Variants in GRIA2 observed in about 807,000 individuals in gnomAD.
The protein encoded by GRIA2 is glutamate receptor 2.
In GRIA2, 14 loss-of-function variants were observed where a neutral mutation model predicts 97.3. The observed-to-expected ratio is 0.14, with a 90% CI of 0.10 to 0.23. GRIA2 has a LOEUF of 0.23. GRIA2 is among the 10% of genes least tolerant of loss of function. The probability of loss-of-function intolerance (pLI) is 1.00; values close to 1 mark genes in which losing one functional copy is unlikely to be tolerated. For missense variants in GRIA2, 558 were observed against 1,069.8 expected (o/e 0.52, Z 6.67); for synonymous variants, 412 against 387.8 (o/e 1.06, Z -0.73).
chr4:157,277,644 A>T (rs544351578), intron 2 of GRIA2, among the ~76,000 whole-genome samples: 1 of 151,516 alleles, frequency 6.6e-6, no homozygotes, highest in Admixed American at 6.6e-5. Context: ...CTGACAAAAT[A>T]AACTCCTGGA....
chr4:157,326,765 T>C (rs1734820083), intron 6 of GRIA2, among the ~76,000 whole-genome samples: 1 of 152,198 alleles, frequency 6.6e-6, no homozygotes, highest in South Asian at 2.1e-4. Context: ...AATCATACTT[T>C]AGAACTGTGT....
chr4:157,256,262 ATT>A (rs900121579), intron 2 of GRIA2, among the ~76,000 whole-genome samples: 1 of 111,388 alleles, frequency 9.0e-6, no homozygotes, highest in Non-Finnish European at 1.9e-5. Context: ...TAAATTATAT[ATT>A]ACATATATAT....
intron 2 of GRIA2, among the ~76,000 whole-genome samples, chr4:157,300,878 C>T (rs1287980179): frequency 6.6e-6 from 1 of 152,104 alleles, no homozygotes; most frequent in Non-Finnish European, 1.5e-5. Context: ...TGACAACTCA[C>T]TCCAGGGCCT....
At chr4:157,262,188 T>C (rs1057090500) in intron 2 of GRIA2, among the ~76,000 whole-genome samples, 6 of 152,058 alleles carry the variant, frequency 3.9e-5, no homozygotes, top group African/African-American at 1.4e-4. Flanking sequence ...ATTGAAACTG[T>C]TTCATTAGGG....
intron 6 of GRIA2, among the ~76,000 whole-genome samples, chr4:157,328,105 A>G (rs1479247024): frequency 6.6e-6 from 1 of 152,084 alleles, no homozygotes; most frequent in African/African-American, 2.4e-5. Context: ...TATATTGATA[A>G]GATTGTTTAT....
intron 6 of GRIA2, among the ~76,000 whole-genome samples, chr4:157,322,268 TG>T (rs1734611135): frequency 6.6e-6 from 1 of 151,138 alleles, no homozygotes; most frequent in Non-Finnish European, 1.5e-5. Flanking sequence ...TGTGTGTGTG[TG>T]TGTGTGTGTG....
Position 157,303,629 on chromosome 4 carries a change from T to C in GRIA2, c.307T>C (p.Phe103Leu). ...DKKSVNTITSFCGTLHVSFIT... is the reference protein window; with the variant it reads ...DKKSVNTITSLCGTLHVSFIT... ...GAAGTCTGTAAATACCATCACATCA[T>C]TTTGCGGAACACTCCACGTCTCCTT... is the stretch of plus-strand genomic sequence containing the variant. The change falls in exon 3 of 16, where the codon TTT becomes CTT. Residue 103 changes from phenylalanine (F) to leucine (L), a missense_variant. By Grantham distance (22) the Phe-to-Leu change is conservative. Around this residue, in one of 8 missense-constraint regions of GRIA2, gnomAD observed 96 missense variants for 176.6 expected, o/e 0.54. Transcript: ENST00000264426. 6.2e-7 allele frequency: 1 copy of C among 1,614,030 alleles called. No homozygotes were observed. The highest frequency in any genetic ancestry group is 8.5e-7 in the Non-Finnish European group (1 of 1,179,950).
At chr4:157,266,616 G>A (rs1353182948) in intron 2 of GRIA2, among the ~76,000 whole-genome samples, 3 of 152,050 alleles carry the variant, frequency 2.0e-5, no homozygotes, top group Non-Finnish European at 4.4e-5. Flanking sequence ...GTGAGCTAAT[G>A]AATGATGGAA....
chr4:157,253,337 G>A (rs72962828), intron 2 of GRIA2, among the ~76,000 whole-genome samples: 26,874 of 151,790 alleles, frequency 0.18, 2,554 homozygotes, highest in African/African-American at 0.24. Context: ...GGCTAATCTC[G>A]AATTCCTGAG....
At position 157,355,916 on chromosome 4, in the gene GRIA2, A is replaced by AATATATATTT. The variant is rs1560781079; in HGVS notation, c.2044-3974_2044-3973insATTTATATAT. On this transcript the variant is annotated intron_variant, in intron 12 of 15. Coordinates refer to ENST00000264426, the MANE Select transcript of GRIA2 (RefSeq NM_001083619.3). ...ATTTATATATAAATATATATATATT[A>AATATATATTT]ATATATTTATATATATTTATATATT... Among the ~76,000 whole-genome samples, 21 of 26,054 alleles carry AATATATATTT rather than the reference A, an allele frequency of 8.1e-4. 1 individual carries two copies. The South Asian group carries it at 0.029, about 36-fold the overall frequency. 17.1% of individuals were successfully genotyped at this position (26,054 alleles called of 152,430 possible).
At chr4:157,297,348 C>T (rs983152892) in intron 2 of GRIA2, among the ~76,000 whole-genome samples, 1 of 151,906 alleles carries the variant, frequency 6.6e-6, no homozygotes, top group African/African-American at 2.4e-5. Flanking sequence ...GAATTTTAGA[C>T]TAAAGGAAAA....
intron 2 of GRIA2, among the ~76,000 whole-genome samples, chr4:157,240,001 A>G (rs1347230677): frequency 6.6e-6 from 1 of 152,042 alleles, no homozygotes; most frequent in Admixed American, 6.6e-5. Flanking sequence ...CTCCTGAACA[A>G]CTGACATATT....
At chr4:157,238,263 T>C (rs898565677) in intron 2 of GRIA2, among the ~76,000 whole-genome samples, 3 of 152,148 alleles carry the variant, frequency 2.0e-5, no homozygotes, top group Non-Finnish European at 4.4e-5. Context: ...TCATAAACTG[T>C]GTATTTTTGG....
intron 2 of GRIA2, among the ~76,000 whole-genome samples, chr4:157,235,206 T>G (rs1265177260): frequency 1.3e-5 from 2 of 152,148 alleles, no homozygotes; most frequent in East Asian, 3.8e-4. Flanking sequence ...CTACCTTGTT[T>G]GTATGCACCA....
intron 2 of GRIA2, among the ~76,000 whole-genome samples, chr4:157,301,642 T>G (rs2126861443): frequency 6.6e-6 from 1 of 152,344 alleles, no homozygotes; most frequent in Non-Finnish European, 1.5e-5. Context: ...AATCTGTACA[T>G]ATTTTAGCAA....
intron 2 of GRIA2, among the ~76,000 whole-genome samples, chr4:157,285,908 A>G (rs1732821223): frequency 6.6e-6 from 1 of 151,554 alleles, no homozygotes; most frequent in Non-Finnish European, 1.5e-5. Flanking sequence ...TGAGGAGAGT[A>G]AAGAGTAGAG....
chr4:157,335,763 C>A lies in GRIA2; in HGVS notation c.1359C>A (p.Ile453=). ...ACTGTGTTGACCTGGCTGCAGAAAT[C>A]GCCAAACATTGTGGGTTCAAGTACA... is the stretch of plus-strand genomic sequence containing the variant. ...EGYCVDLAAE[I]AKHCGFKYKL... is the part of the protein sequence containing the mutation. The change falls in exon 10 of 16, where the codon ATC becomes ATA. Residue 453 remains isoleucine, a synonymous_variant. Coordinates refer to ENST00000264426, the MANE Select transcript of GRIA2 (RefSeq NM_001083619.3). 1 of 1,612,430 alleles carries A rather than the reference C, an allele frequency of 6.2e-7. No individual in the cohort carries two copies. The highest frequency in any genetic ancestry group is 1.1e-5 in the South Asian group (1 of 91,046).
chr4:157,301,525 A>G (rs1208748951), intron 2 of GRIA2, among the ~76,000 whole-genome samples: 1 of 152,232 alleles, frequency 6.6e-6, no homozygotes, highest in Non-Finnish European at 1.5e-5. Context: ...TTCGGCAAAT[A>G]AGGGCCACTT....
chr4:157,266,719 G>A (rs1731786892), intron 2 of GRIA2, among the ~76,000 whole-genome samples: 1 of 151,978 alleles, frequency 6.6e-6, no homozygotes, highest in Non-Finnish European at 1.5e-5. Context: ...GAGGTGTTCA[G>A]CAAGGTTGTT....
Sources: gnomAD v4.1 joint callset for allele counts (sites outside exome capture counted in the v4.1 genomes callset) on GRCh38, gnomAD v4.1.1 for gene constraint, gnomAD v4.1.1 regional missense constraint, MANE v1.5 for transcripts, NCBI Gene and HGNC (gene_info 2026-07-23, HGNC 2026-07-21) for gene names.